EDC3: variants seen among roughly 807,000 people sequenced by gnomAD.
EDC3 encodes enhancer of mRNA decapping 3.
In EDC3, 20 loss-of-function variants were observed where a neutral mutation model predicts 41.8. The observed-to-expected ratio is 0.48, with a 90% confidence interval of 0.34 to 0.70. The LOEUF (loss-of-function observed/expected upper bound fraction) is 0.70, where lower values mean the gene tolerates loss of function less well. EDC3 is among the 30% of genes least tolerant of loss of function. EDC3 has a pLI of 0.01. For synonymous variants in EDC3, 206 were observed against 243.2 expected, an observed-to-expected ratio of 0.85 and a Z score of 1.42; for missense variants, 444 against 636.8, an observed-to-expected ratio of 0.70 and a Z score of 3.26.
At chr15:74,665,017 C>T (rs1390328601) in intron 3 of EDC3, among the ~76,000 whole-genome samples, 2 of 152,290 alleles carry the variant, frequency 1.3e-5, no homozygotes, top group South Asian at 4.1e-4. Context: ...GAGTTAAAGG[C>T]CAGCTATCTA....
At chr15:74,669,107 A>C (rs931418561) in intron 3 of EDC3, among the ~76,000 whole-genome samples, 59 of 151,996 alleles carry the variant, frequency 3.9e-4, no homozygotes, top group African/African-American at 1.1e-3. Flanking sequence ...GCAGTGGCTT[A>C]TGCCTGTAAT....
intron 1 of EDC3, among the ~76,000 whole-genome samples, chr15:74,694,544 G>A (rs1234803512): frequency 6.6e-6 from 1 of 152,236 alleles, no homozygotes; most frequent in Non-Finnish European, 1.5e-5. Context: ...GACCTCAGGT[G>A]ATCCACCCGC....
chr15:74,687,579 T>A (rs1045703827), intron 1 of EDC3, among the ~76,000 whole-genome samples: 1 of 152,190 alleles, frequency 6.6e-6, no homozygotes, highest in Non-Finnish European at 1.5e-5. Context: ...GGTTTCACCA[T>A]GTTGGCCAGA....
At chr15:74,656,273 T>G (rs993831429) in intron 3 of EDC3, among the ~76,000 whole-genome samples, 5 of 152,174 alleles carry the variant, frequency 3.3e-5, no homozygotes, top group Non-Finnish European at 7.3e-5. Context: ...CTGGGCACAG[T>G]GGCTCACGCC....
At chr15:74,666,242 C>T (rs1371961310) in intron 3 of EDC3, among the ~76,000 whole-genome samples, 1 of 152,138 alleles carries the variant, frequency 6.6e-6, no homozygotes, top group African/African-American at 2.4e-5. Flanking sequence ...TATCAGAAAC[C>T]TATTCTGAGC....
intron 3 of EDC3, among the ~76,000 whole-genome samples, chr15:74,665,344 G>T (rs1037885799): frequency 1.4e-4 from 22 of 152,252 alleles, no homozygotes; most frequent in African/African-American, 5.3e-4. Context: ...CTACTTTCAT[G>T]TTCTACAGGC....
chr15:74,680,539 A>G (rs1034755504), intron 1 of EDC3, among the ~76,000 whole-genome samples: 3 of 152,214 alleles, frequency 2.0e-5, no homozygotes, highest in Non-Finnish European at 4.4e-5. Flanking sequence ...CCTACAGCTA[A>G]CATTATACTA....
At position 74,682,389 on chromosome 15, in the gene EDC3, C is replaced by T. The variant is rs542248439; in HGVS notation, c.-18-7247G>A. Reference sequence around the variant, plus strand: ...ATCTCAGCACTTTGAGAGGCCAAGGCGGGTGGATCACAACGTCAGGAGATC... The same window carrying T: ...ATCTCAGCACTTTGAGAGGCCAAGGTGGGTGGATCACAACGTCAGGAGATC... On this transcript the variant is annotated intron_variant, in intron 1 of 6. Coordinates refer to ENST00000315127, the MANE Select transcript of EDC3 (RefSeq NM_025083.5). Among the ~76,000 whole-genome samples the T allele has an allele frequency of 2.6e-3, 400 of 151,928 alleles. 1 individual carries two copies. Among genetic ancestry groups the T allele is most frequent in the African/African-American group, 9.2e-3 (381 of 41,428 alleles).
chr15:74,646,656 TG>T (rs1208684259), intron 4 of EDC3, among the ~76,000 whole-genome samples: 2 of 152,194 alleles, frequency 1.3e-5, no homozygotes, highest in Non-Finnish European at 2.9e-5. Context: ...AATATGTCCC[TG>T]CCTGAAGCCC....
At position 74,671,141 on chromosome 15, in the gene EDC3, T is replaced by C. The variant is rs1010101538; in HGVS notation, c.484+314A>G. Reference sequence around the variant, plus strand: ...TCAACCTCTCAAGTAGCTGGGACTATAGATGCGTGCCACCACGCCCAGTAG... The same window carrying C: ...TCAACCTCTCAAGTAGCTGGGACTACAGATGCGTGCCACCACGCCCAGTAG... On this transcript the variant is annotated intron_variant, in intron 3 of 6. Transcript: ENST00000315127. This position sits in a 1 kb window ranked among gnomAD's most constrained non-coding sequence, Gnocchi z 4.6. Among the ~76,000 whole-genome samples, 1 of 152,174 alleles carries C rather than the reference T, an allele frequency of 6.6e-6. No individual in the cohort carries two copies. The highest frequency in any genetic ancestry group is 2.1e-4 in the South Asian group (1 of 4,826).
intron 4 of EDC3, chr15:74,640,823 C>G: frequency 1.6e-6 from 1 of 614,376 alleles, no homozygotes; most frequent in Non-Finnish European, 2.8e-6. Flanking sequence ...ACAACTTGTT[C>G]CAGGTCACCA....
Position 74,665,798 on chromosome 15 carries a change from C to CTT in EDC3, c.484+5655_484+5656dup, listed in dbSNP as rs916623879. On this transcript the variant is annotated intron_variant, in intron 3 of 6. Coordinates refer to ENST00000315127, the MANE Select transcript of EDC3 (RefSeq NM_025083.5). ...AAGACAGATTATATTTCTTTCTTTC[C>CTT]TTTTTTTTTTTTTTTTTGAGACAGA... 5.2e-4 allele frequency among the ~76,000 whole-genome samples: 72 copies of CTT among 137,264 alleles called. 1 individual carries two copies. Among genetic ancestry groups the CTT allele is most frequent in the African/African-American group, 1.7e-3 (63 of 37,508 alleles). The allele number at this position is 137,264 out of a possible 152,430, so 90.1% of individuals were successfully genotyped here.
At chr15:74,661,939 T>G (rs2062626259) in intron 3 of EDC3, among the ~76,000 whole-genome samples, 1 of 152,180 alleles carries the variant, frequency 6.6e-6, no homozygotes, top group Non-Finnish European at 1.5e-5. Context: ...TTGATTTTCT[T>G]TTAGTAAAAA....
chr15:74,672,030 G>A (rs1408095338), intron 2 of EDC3, among the ~76,000 whole-genome samples: 2 of 151,888 alleles, frequency 1.3e-5, no homozygotes, highest in Non-Finnish European at 1.5e-5. Context: ...GGGAGGCCGA[G>A]GCGGGCGGAT....
At chr15:74,633,506 T>C (rs1421599627) in intron 6 of EDC3, among the ~76,000 whole-genome samples, 1 of 152,208 alleles carries the variant, frequency 6.6e-6, no homozygotes, top group Non-Finnish European at 1.5e-5. Flanking sequence ...CTCACAGGAA[T>C]GGGTCCTCCA....
chr15:74,658,973 A>G (rs1344462991), intron 3 of EDC3, among the ~76,000 whole-genome samples: 1 of 152,094 alleles, frequency 6.6e-6, no homozygotes, highest in East Asian at 1.9e-4. Context: ...ACTAAGGCTG[A>G]CCAAAATTAT....
chr15:74,688,940 T>C (rs1350149494), intron 1 of EDC3, among the ~76,000 whole-genome samples: 1 of 151,736 alleles, frequency 6.6e-6, no homozygotes, highest in Admixed American at 6.6e-5. Flanking sequence ...ATTTGTGAGA[T>C]TCATCCCCAT....
At chr15:74,686,792 T>C (rs2062943131) in intron 1 of EDC3, among the ~76,000 whole-genome samples, 1 of 144,362 alleles carries the variant, frequency 6.9e-6, no homozygotes, top group Non-Finnish European at 1.5e-5. Flanking sequence ...AATAAATACA[T>C]AAATGAAGGG....
chr15:74,645,575 G>GGT (rs1555452918), intron 4 of EDC3, among the ~76,000 whole-genome samples: 5 of 140,484 alleles, frequency 3.6e-5, no homozygotes, highest in African/African-American at 1.3e-4. Context: ...GGGGGGGGGG[G>GGT]GGTGCCAGGC....
Sources: allele counts gnomAD v4.1 joint callset (sites outside exome capture counted in the v4.1 genomes callset), GRCh38; gene constraint gnomAD v4.1.1; non-coding constraint Gnocchi (gnomAD v3.1); transcripts MANE v1.5; gene names NCBI Gene and HGNC (gene_info 2026-07-23, HGNC 2026-07-21).